ARHGAP45: variants seen among roughly 807,000 people sequenced by gnomAD.
ARHGAP45 encodes Rho GTPase activating protein 45.
In ARHGAP45, 56 loss-of-function variants were observed where a neutral mutation model predicts 116.1. The ratio of observed to expected loss-of-function variants is 0.48; its 90% CI spans 0.39 to 0.60. The LOEUF is 0.60. Ranked by LOEUF, ARHGAP45 falls within the 20% of genes least tolerant of loss-of-function variation. ARHGAP45 has a pLI of 0.00. For missense variants in ARHGAP45, 1,622 were observed against 1,601.0 expected, an observed-to-expected ratio of 1.01 and a Z score of -0.22; for synonymous variants, 866 against 701.7, an observed-to-expected ratio of 1.23 and a Z score of -3.70.
At chr19:1,067,770 G>T in intron 1 of ARHGAP45, 2 of 648,018 alleles carry the variant, frequency 3.1e-6, no homozygotes, top group Non-Finnish European at 5.6e-6. Context: ...GGGTTGGGAC[G>T]ATGTTGTGTT....
Position 1,067,455 on chromosome 19 carries a change from A to G in ARHGAP45, c.50A>G (p.Lys17Arg). The G allele has an allele frequency of 6.2e-7, 1 of 1,605,630 alleles. No individual in the cohort carries two copies. The highest frequency in any genetic ancestry group is 8.5e-7 in the Non-Finnish European group (1 of 1,176,590). ...RELMKTPSISKKNRAGSPSPQ... is the reference protein window; with the variant it reads ...RELMKTPSISRKNRAGSPSPQ... ...CTCATGAAAACCCCTTCCATCTCGA[A>G]AAAGAACCGCGCGGGAAGCCCCAGC... is the stretch of plus-strand genomic sequence containing the variant. The change falls in exon 1 of 23, where the codon AAA (lysine) becomes AGA (arginine). Residue 17 changes from lysine to arginine, a missense_variant. By Grantham distance (26) the Lys-to-Arg change is conservative. Coordinates refer to ENST00000313093, the MANE Select transcript of ARHGAP45 (RefSeq NM_012292.5).
intron 3 of ARHGAP45, 28 bp from the exon 4 acceptor site, chr19:1,073,478 C>A (rs2043177162): frequency 6.2e-7 from 1 of 1,608,696 alleles, no homozygotes; most frequent in Non-Finnish European, 8.5e-7. Flanking sequence ...AGTGGGCCCA[C>A]CTCCTTGTCC....
rs773035206 is a variant in ARHGAP45 at position 1,085,878 on chromosome 19, C to T, written c.3283C>T (p.Gln1095Ter). 8 of 1,612,120 alleles carry T rather than the reference C, an allele frequency of 5.0e-6. No individual in the cohort carries two copies. In the South Asian group the frequency reaches 6.6e-5, roughly 13 times the overall value. Reference protein sequence around the residue: ...DGDGDEDGPAQQLSGFNTNQS... With the variant: ...DGDGDEDGPA ...GGACGGGGACGAGGACGGCCCGGCCCAGCAGCTCTCAGGATTCAACACCAA... is the reference window on the plus strand; with the variant it reads ...GGACGGGGACGAGGACGGCCCGGCCTAGCAGCTCTCAGGATTCAACACCAA... The change falls in exon 23 of 23, where the codon CAG becomes TAG. Residue 1095 changes from glutamine (Q) to a stop codon, truncating the protein, a stop_gained. Coordinates refer to ENST00000313093, the MANE Select transcript of ARHGAP45 (RefSeq NM_012292.5). LOFTEE classifies it low-confidence loss of function (END_TRUNC).
intron 11 of ARHGAP45, among the ~76,000 whole-genome samples, chr19:1,078,701 G>A (rs2043339408): frequency 1.3e-5 from 2 of 150,564 alleles, no homozygotes; most frequent in East Asian, 2.0e-4. Context: ...GAGCCACCGC[G>A]CCCGGCCCCG....
At chr19:1,076,712 G>A (rs2043258610) in intron 10 of ARHGAP45, among the ~76,000 whole-genome samples, 1 of 151,898 alleles carries the variant, frequency 6.6e-6, no homozygotes, top group Non-Finnish European at 1.5e-5. Context: ...GGCCAGGCTG[G>A]TCTCGAACTC....
intron 19 of ARHGAP45, chr19:1,082,571 G>C: frequency 1.9e-6 from 1 of 514,842 alleles, no homozygotes; most frequent in Non-Finnish European, 3.4e-6. Context: ...ACTATGCTGA[G>C]TGGAGCCGGA....
intron 10 of ARHGAP45, among the ~76,000 whole-genome samples, 156 bp downstream of exon 10, chr19:1,075,035 CAACG>C (rs763936682): frequency 2.9e-5 from 4 of 140,078 alleles, no homozygotes; most frequent in Non-Finnish European, 6.2e-5. Context: ...CCGCCCCCCC[CAACG>C]CCAAGCCGGG....
In ARHGAP45 at chr19:1,077,851, C is replaced by T. The variant is rs1393106856; in HGVS notation, c.1186-6C>T. 3.2e-6 allele frequency: 5 copies of T among 1,552,244 alleles called. No homozygotes were observed. Among genetic ancestry groups the T allele is most frequent in the Non-Finnish European group, 4.4e-6 (5 of 1,147,718 alleles). ...GGAACTGGCCTCCTGGCTCCCACAC[C>T]CACAGCAAGAGGCGGAGTCCAACCT... On this transcript the variant is annotated splice_polypyrimidine_tract_variant and splice_region_variant and intron_variant, in intron 10 of 22. Coordinates refer to ENST00000313093, the MANE Select transcript of ARHGAP45 (RefSeq NM_012292.5).
At chr19:1,085,171 T>C (rs2043568768) in intron 22 of ARHGAP45, among the ~76,000 whole-genome samples, 1 of 152,162 alleles carries the variant, frequency 6.6e-6, no homozygotes, top group African/African-American at 2.4e-5. Context: ...CTCACAATCA[T>C]GGCAGAAAGC....
chr19:1,077,865 G>A lies in ARHGAP45; in HGVS notation c.1194G>A (p.Ala398=), dbSNP rs140311671. 4.7e-4 allele frequency: 728 copies of A among 1,553,314 alleles called. 6 individuals carry two copies. The African/African-American group carries it at 8.4e-3, about 18-fold the overall frequency. ...WHRAQRKLQE[A]ESNLRKAKQG... ...GGCTCCCACACCCACAGCAAGAGGC[G>A]GAGTCCAACCTGCGCAAGGCCAAGC... Residue 398 remains alanine, a synonymous_variant, in exon 11 of 23, where the codon GCG becomes GCA. Coordinates refer to ENST00000313093, the MANE Select transcript of ARHGAP45 (RefSeq NM_012292.5).
chr19:1,084,609 T>C (rs1326939391), intron 22 of ARHGAP45, among the ~76,000 whole-genome samples: 1 of 152,176 alleles, frequency 6.6e-6, no homozygotes, highest in Non-Finnish European at 1.5e-5. Context: ...TGATGCCTTG[T>C]GAGGCTCCAG....
chr19:1,080,407 G>T (rs1288195550), intron 14 of ARHGAP45, 28 bp downstream of exon 14: 1 of 1,609,144 alleles, frequency 6.2e-7, no homozygotes, highest in Non-Finnish European at 8.5e-7. Flanking sequence ...CCCAGGGGCG[G>T]ACGCTGGCTC....
At chr19:1,073,392 G>A in intron 3 of ARHGAP45, 100 bp downstream of exon 3, 5 of 1,575,022 alleles carry the variant, frequency 3.2e-6, no homozygotes, top group Non-Finnish European at 4.3e-6. Flanking sequence ...ATAGGAGTTT[G>A]ACAGGCACAA....
At chr19:1,074,268 G>C in intron 7 of ARHGAP45, 27 bp downstream of exon 7, 9 of 1,612,280 alleles carry the variant, frequency 5.6e-6, no homozygotes, top group Non-Finnish European at 7.6e-6. Flanking sequence ...CAGCAGGGTG[G>C]GTCTGGAGGG....
At chr19:1,075,644 C>T (rs1485708591) in intron 10 of ARHGAP45, among the ~76,000 whole-genome samples, 1 of 152,078 alleles carries the variant, frequency 6.6e-6, no homozygotes, top group Admixed American at 6.6e-5. Context: ...GATAAGGTCT[C>T]GCTCTGTCAC....
At chr19:1,074,480 A>G in intron 8 of ARHGAP45, 73 bp downstream of exon 8, 2 of 1,420,402 alleles carry the variant, frequency 1.4e-6, no homozygotes, top group Non-Finnish European at 1.9e-6. Context: ...TCAAGGGCCC[A>G]GGGACCAAGA....
In ARHGAP45 at chr19:1,071,117, C is replaced by A; in HGVS notation, c.422-2032C>A. On this transcript the variant is annotated intron_variant, in intron 2 of 22. Transcript: ENST00000313093. This position sits in a 1 kb window ranked among gnomAD's most constrained non-coding sequence, Gnocchi z 4.6. ...GTCCTCGACCCTCCCCACCTCGAAG[C>A]TCTGCGGTTAAGGAAGGACCCAGGC... The A allele has an allele frequency of 1.7e-6, 2 of 1,163,486 alleles. No individual in the cohort carries two copies. The highest frequency in any genetic ancestry group is 3.3e-4 in the Middle Eastern group (1 of 3,002). 72.1% of individuals were successfully genotyped at this position (1,163,486 alleles called of 1,614,324 possible). A position where few individuals can be genotyped will look rare whatever the true frequency, so the allele number is the denominator to read the frequency against.
At position 1,069,588 on chromosome 19, in the gene ARHGAP45, G is replaced by A. The variant is rs1178699249; in HGVS notation, c.421+844G>A. 6.6e-6 allele frequency among the ~76,000 whole-genome samples: 1 copy of A among 152,208 alleles called. No homozygotes were observed. Among genetic ancestry groups the A allele is most frequent in the African/African-American group, 2.4e-5 (1 of 41,466 alleles). ...AGGACTGGACCTCAAGTGGTGGAGTGGCCTCTGCACCTTCAGGGCACTAGT... is the reference window on the plus strand; with the variant it reads ...AGGACTGGACCTCAAGTGGTGGAGTAGCCTCTGCACCTTCAGGGCACTAGT... On this transcript the variant is annotated intron_variant, in intron 2 of 22. Transcript: ENST00000313093. The surrounding 1 kb of genome is among the most constrained non-coding windows in gnomAD (Gnocchi z 4.1).
At chr19:1,084,953 G>A (rs1199294427) in intron 22 of ARHGAP45, among the ~76,000 whole-genome samples, 1 of 152,090 alleles carries the variant, frequency 6.6e-6, no homozygotes, top group Non-Finnish European at 1.5e-5. Flanking sequence ...GTGGTGGAGG[G>A]CACCTGTAAT....
Sources: gnomAD v4.1 joint callset for allele counts (sites outside exome capture counted in the v4.1 genomes callset) on GRCh38, gnomAD v4.1.1 for gene constraint, Gnocchi (gnomAD v3.1) non-coding constraint, MANE v1.5 for transcripts, NCBI Gene and HGNC (gene_info 2026-07-23, HGNC 2026-07-21) for gene names.